The following PDXDC1 variants were observed in gnomAD, a reference collection of about 807,000 sequenced individuals.
PDXDC1 encodes pyridoxal-dependent decarboxylase domain-containing protein 1.
PDXDC1 carries 42 observed loss-of-function variants against 100.1 expected under a neutral mutation model. That is an observed-to-expected ratio of 0.42 (90% CI 0.33 to 0.54). PDXDC1 has a LOEUF of 0.54. Among genes scored for constraint, PDXDC1 ranks in the 20% least tolerant of loss-of-function variants. The pLI is 0.10. For missense variants in PDXDC1, 636 were observed against 979.2 expected, an observed-to-expected ratio of 0.65 and a Z score of 4.68; for synonymous variants, 260 against 371.7, an observed-to-expected ratio of 0.70 and a Z score of 3.46.
chr16:15,021,445 G>T (rs901819240), intron 12 of PDXDC1, among the ~76,000 whole-genome samples: 1 of 152,122 alleles, frequency 6.6e-6, no homozygotes, highest in African/African-American at 2.4e-5. Flanking sequence ...TGCATTTTTT[G>T]AAAAGTGTCT....
At chr16:15,135,891 C>T (rs1402737006) in intron 16 of PDXDC1, 3 of 1,576,086 alleles carry the variant, frequency 1.9e-6, no homozygotes, top group African/African-American at 2.7e-5. Context: ...TAGTGCCCCA[C>T]AGGCAGCGCC....
At chr16:15,008,704 G>A in intron 6 of PDXDC1, 75 bp from the exon 7 acceptor site, 1 of 1,389,868 alleles carries the variant, frequency 7.2e-7, no homozygotes, top group South Asian at 1.2e-5. Context: ...TCTTGTCTTA[G>A]AGCCACAGCC....
chr16:15,041,578 T>G, downstream of PDXDC1: 1 of 1,399,616 alleles, frequency 7.1e-7, no homozygotes, highest in African/African-American at 1.4e-5. Context: ...GACAAAACGG[T>G]CCTGAGACCC....
At chr16:15,150,186 T>C in the PDXDC1 span, among the ~76,000 whole-genome samples, 3 of 150,424 alleles carry the variant, frequency 2.0e-5, no homozygotes, top group South Asian at 2.1e-4. Context: ...CTACTAAAAA[T>C]ACAAAAAATT....
chr16:15,100,560 T>A (rs1180167442), intron 16 of PDXDC1, among the ~76,000 whole-genome samples: 1 of 152,146 alleles, frequency 6.6e-6, no homozygotes, highest in African/African-American at 2.4e-5. Context: ...TTCAGCAGCA[T>A]CCCTGGCCTC....
At chr16:15,094,186 A>C in intron 16 of PDXDC1, 2 of 1,601,742 alleles carry the variant, frequency 1.2e-6, no homozygotes, top group Non-Finnish European at 1.7e-6. Flanking sequence ...CAGAGGACGA[A>C]GCGGCCGCAT....
chr16:15,048,091 G>A (rs1192669161), intron 16 of PDXDC1: 2 of 1,589,220 alleles, frequency 1.3e-6, no homozygotes, highest in East Asian at 2.2e-5. Context: ...TGAGAAGTCT[G>A]GCTCTTTCCT....
the PDXDC1 span, among the ~76,000 whole-genome samples, chr16:15,147,193 A>G: frequency 6.6e-6 from 1 of 151,378 alleles, no homozygotes; most frequent in African/African-American, 2.4e-5. Context: ...GCAGCACCCA[A>G]GCAGCTGCAC....
downstream of PDXDC1, among the ~76,000 whole-genome samples, chr16:15,040,659 G>T (rs2043773987): frequency 6.6e-6 from 1 of 152,066 alleles, no homozygotes; most frequent in Non-Finnish European, 1.5e-5. Flanking sequence ...CTGTTCTCAA[G>T]CAAAACCTTC....
intron 16 of PDXDC1, chr16:15,061,792 A>T: frequency 6.2e-7 from 1 of 1,614,168 alleles, no homozygotes; most frequent in African/African-American, 1.3e-5. Context: ...AGCCCACACT[A>T]CTTGAAGGAC....
downstream of PDXDC1, among the ~76,000 whole-genome samples, chr16:15,041,336 C>T (rs2043806595): frequency 6.6e-6 from 1 of 152,090 alleles, no homozygotes; most frequent in South Asian, 2.1e-4. Flanking sequence ...GTCCCCACTC[C>T]CACCCCACCT....
At chr16:15,022,875 A>G (rs2042311800) in intron 13 of PDXDC1, 121 bp downstream of exon 13, 9 of 835,698 alleles carry the variant, frequency 1.1e-5, no homozygotes, top group Middle Eastern at 5.0e-4. Flanking sequence ...TGGCAGCTCC[A>G]GTAAAAAAAC....
downstream of PDXDC1, among the ~76,000 whole-genome samples, chr16:15,142,769 C>T (rs2048494987): frequency 6.6e-6 from 1 of 151,806 alleles, no homozygotes; most frequent in Non-Finnish European, 1.5e-5. Context: ...GCTTCCTCTG[C>T]ACCCGCCAGG....
At chr16:14,984,315 CTTTTTTTTT>C (rs1167894912) in intron 1 of PDXDC1, among the ~76,000 whole-genome samples, 6 of 106,842 alleles carry the variant, frequency 5.6e-5, no homozygotes, top group African/African-American at 2.1e-4. Context: ...GCACCCCCGC[CTTTTTTTTT>C]TTTTTTTTTT....
intron 1 of PDXDC1, among the ~76,000 whole-genome samples, chr16:14,995,297 T>C (rs150608368): frequency 2.9e-3 from 444 of 152,392 alleles, no homozygotes; most frequent in Non-Finnish European, 4.9e-3. Context: ...ATAGCTCTTA[T>C]TATTTTGAGA....
intron 16 of PDXDC1, chr16:15,103,499 G>A (rs1043275884): frequency 3.4e-6 from 2 of 587,364 alleles, no homozygotes; most frequent in South Asian, 2.0e-5. Context: ...TAATGTAAGT[G>A]ATATTTATTT....
At chr16:15,014,319 T>C (rs1164338980) in intron 8 of PDXDC1, among the ~76,000 whole-genome samples, 2 of 152,280 alleles carry the variant, frequency 1.3e-5, no homozygotes, top group Non-Finnish European at 1.5e-5. Flanking sequence ...TCACCCATAT[T>C]CAATCACATG....
chr16:15,147,084 G>A, the PDXDC1 span, among the ~76,000 whole-genome samples: 3 of 144,514 alleles, frequency 2.1e-5, no homozygotes, highest in African/African-American at 8.0e-5. Flanking sequence ...GCCAGGGAGG[G>A]AGAGGTGGGA....
At chr16:14,977,349 G>A (rs1212939316) in intron 1 of PDXDC1, among the ~76,000 whole-genome samples, 2 of 146,530 alleles carry the variant, frequency 1.4e-5, no homozygotes, top group Admixed American at 7.0e-5. Context: ...AGGCGATCTC[G>A]GATCCCTGCA....
Sources: gnomAD v4.1 joint callset for allele counts (sites outside exome capture counted in the v4.1 genomes callset) on GRCh38, gnomAD v4.1.1 for gene constraint, MANE v1.5 for transcripts, NCBI Gene and HGNC (gene_info 2026-07-23, HGNC 2026-07-21) for gene names.